Variants in LRRTM4 observed in about 807,000 individuals in gnomAD.
LRRTM4 encodes the protein leucine-rich repeat transmembrane neuronal protein 4.
In LRRTM4, 25 loss-of-function variants were observed where a neutral mutation model predicts 47.6. That is an observed-to-expected ratio of 0.53 (90% CI 0.38 to 0.73). The LOEUF (loss-of-function observed/expected upper bound fraction) is 0.73, where lower values mean the gene tolerates loss of function less well. LRRTM4 is among the 30% of genes least tolerant of loss of function. LRRTM4 has a pLI of 0.00. For missense variants in LRRTM4, 638 were observed against 713.4 expected, an observed-to-expected ratio of 0.89 and a Z score of 1.20; for synonymous variants, 311 against 269.5, an observed-to-expected ratio of 1.15 and a Z score of -1.51.
chr2:77,120,619 C>T (rs192354461), intron 3 of LRRTM4, among the ~76,000 whole-genome samples: 13 of 151,904 alleles, frequency 8.6e-5, no homozygotes, highest in African/African-American at 2.9e-4. Context: ...ATGCATACTT[C>T]CTAATCAGAC....
At position 77,441,642 on chromosome 2, in the gene LRRTM4, G is replaced by A. The variant is rs545481037; in HGVS notation, c.1551+76676C>T. Among the ~76,000 whole-genome samples the A allele has an allele frequency of 2.0e-5, 3 of 152,190 alleles. No individual in the cohort carries two copies. In the South Asian group the frequency reaches 6.2e-4, roughly 32 times the overall value. The stretch of plus-strand genomic sequence containing the variant: ...TGACTAAAGAAATAAACATTGCAAA[G>A]ATGTATCATAGTTCTAGATACATAG... On this transcript the variant is annotated intron_variant, in intron 3 of 3. Transcript: ENST00000409884.
At chr2:77,367,226 G>A (rs545583517) in intron 3 of LRRTM4, among the ~76,000 whole-genome samples, 1 of 151,122 alleles carries the variant, frequency 6.6e-6, no homozygotes, top group African/African-American at 2.4e-5. Flanking sequence ...CTCTGTGAAT[G>A]CCCCTCCTGC....
chr2:77,172,866 C>CTTAA (rs1673088413), intron 3 of LRRTM4, among the ~76,000 whole-genome samples: 1 of 152,116 alleles, frequency 6.6e-6, no homozygotes, highest in Admixed American at 6.5e-5. Context: ...ATATCCGTGG[C>CTTAA]TTAACATAAA....
chr2:77,237,855 C>T (rs12620087), intron 3 of LRRTM4, among the ~76,000 whole-genome samples: 18,256 of 152,076 alleles, frequency 0.12, 1,667 homozygotes, highest in East Asian at 0.33. Flanking sequence ...AGTAAAGACC[C>T]CCTGTGACTG....
At chr2:77,225,489 A>C (rs1467739238) in intron 3 of LRRTM4, among the ~76,000 whole-genome samples, 1 of 151,928 alleles carries the variant, frequency 6.6e-6, no homozygotes, top group African/African-American at 2.4e-5. Context: ...AAATGTGTAC[A>C]TATATTAACT....
intron 3 of LRRTM4, among the ~76,000 whole-genome samples, chr2:76,967,485 A>G (rs1317851969): frequency 6.6e-6 from 1 of 151,540 alleles, no homozygotes; most frequent in Non-Finnish European, 1.5e-5. Flanking sequence ...CTACAGAGCA[A>G]GTTTAATCTC....
intron 3 of LRRTM4, among the ~76,000 whole-genome samples, chr2:77,267,586 C>T (rs569804555): frequency 4.5e-4 from 68 of 152,234 alleles, no homozygotes; most frequent in Admixed American, 1.6e-3. Flanking sequence ...CTACTGTATT[C>T]GGGATTAAGT....
rs576032264 is a variant in LRRTM4 at position 77,167,420 on chromosome 2, A to T, written c.1551+350898T>A. ...GATTCGTCAAGGATCTAGAACTATA[A>T]ATGCCATTTGACCCAGCCATCCCAT... On this transcript the variant is annotated intron_variant, in intron 3 of 3. Transcript: ENST00000409884. Among the ~76,000 whole-genome samples the T allele has an allele frequency of 7.7e-4, 117 of 152,320 alleles. 1 individual carries two copies. Among genetic ancestry groups the T allele is most frequent in the African/African-American group, 2.7e-3 (111 of 41,566 alleles).
chr2:77,064,569 G>A (rs1216268136), intron 3 of LRRTM4, among the ~76,000 whole-genome samples: 1 of 152,092 alleles, frequency 6.6e-6, no homozygotes, highest in Non-Finnish European at 1.5e-5. Context: ...ATCTTCTTCA[G>A]GCTAGAGAAG....
chr2:77,200,410 G>A (rs1673941325), intron 3 of LRRTM4, among the ~76,000 whole-genome samples: 1 of 152,054 alleles, frequency 6.6e-6, no homozygotes, highest in Non-Finnish European at 1.5e-5. Context: ...GCATATATAT[G>A]GAGATGCATA....
intron 3 of LRRTM4, among the ~76,000 whole-genome samples, chr2:76,834,294 G>C (rs1007012394): frequency 2.0e-5 from 3 of 150,578 alleles, no homozygotes; most frequent in African/African-American, 7.3e-5. Context: ...CAGGTGATCT[G>C]CCTGCCTCGT....
At chr2:76,977,009 CTGTG>C (rs1032857466) in intron 3 of LRRTM4, among the ~76,000 whole-genome samples, 1 of 55,008 alleles carries the variant, frequency 1.8e-5, no homozygotes, top group Admixed American at 1.6e-4. Context: ...CATTAATAGG[CTGTG>C]TGTGTTTGTG....
At chr2:77,240,600 T>C (rs950960268) in intron 3 of LRRTM4, among the ~76,000 whole-genome samples, 1 of 151,826 alleles carries the variant, frequency 6.6e-6, no homozygotes, top group Non-Finnish European at 1.5e-5. Flanking sequence ...GAAAAAGAAA[T>C]ACATAAAGAA....
At chr2:77,218,802 T>C (rs1028404149) in intron 3 of LRRTM4, among the ~76,000 whole-genome samples, 1 of 152,140 alleles carries the variant, frequency 6.6e-6, no homozygotes, top group South Asian at 2.1e-4. Flanking sequence ...TGTGCAAACT[T>C]TGTGATGCCT....
chr2:76,929,379 G>A lies in LRRTM4; in HGVS notation c.1552-180463C>T, dbSNP rs115529500. 8.5e-3 allele frequency among the ~76,000 whole-genome samples: 1,291 copies of A among 152,216 alleles called. 22 individuals carry two copies. Among genetic ancestry groups the A allele is most frequent in the African/African-American group, 0.029 (1,215 of 41,540 alleles). ...GTGTCCATGGCTGCTTTCATGCTAC[G>A]ATGGCAAAATTGAGAAGATTCAACA... On this transcript the variant is annotated intron_variant, in intron 3 of 3. Coordinates refer to ENST00000409884, the MANE Select transcript of LRRTM4 (RefSeq NM_001134745.3).
chr2:77,015,612 C>G (rs1275725649), intron 3 of LRRTM4, among the ~76,000 whole-genome samples: 7 of 152,034 alleles, frequency 4.6e-5, no homozygotes, highest in Admixed American at 3.9e-4. Flanking sequence ...GTGTGAGCCA[C>G]CATGCCCGGC....
At chr2:77,298,347 C>T (rs1316544458) in intron 3 of LRRTM4, among the ~76,000 whole-genome samples, 1 of 152,148 alleles carries the variant, frequency 6.6e-6, no homozygotes, top group Non-Finnish European at 1.5e-5. Flanking sequence ...CGCCATTCTC[C>T]TGCCTCAGCC....
chr2:77,357,563 C>T (rs936420007), intron 3 of LRRTM4, among the ~76,000 whole-genome samples: 5 of 152,132 alleles, frequency 3.3e-5, no homozygotes, highest in Non-Finnish European at 7.4e-5. Context: ...TGAACTTCTT[C>T]ATTTGCCAAA....
At chr2:76,759,511 G>GC (rs1390864012) in intron 3 of LRRTM4, among the ~76,000 whole-genome samples, 1 of 152,088 alleles carries the variant, frequency 6.6e-6, no homozygotes, top group Non-Finnish European at 1.5e-5. Context: ...CAGCAAACCT[G>GC]CCCCTGGGTG....
Sources: allele counts gnomAD v4.1 joint callset (sites outside exome capture counted in the v4.1 genomes callset), GRCh38; gene constraint gnomAD v4.1.1; transcripts MANE v1.5; gene names NCBI Gene and HGNC (gene_info 2026-07-23, HGNC 2026-07-21).